ITGA1: variants seen among roughly 807,000 people sequenced by gnomAD.
ITGA1 encodes integrin alpha-1.
ITGA1 carries 85 observed loss-of-function variants against 145.9 expected under a neutral mutation model. The observed-to-expected ratio is 0.58, with a 90% CI of 0.49 to 0.70. The LOEUF (loss-of-function observed/expected upper bound fraction) is 0.70, where lower values mean the gene tolerates loss of function less well. Among genes scored for constraint, ITGA1 ranks in the 30% least tolerant of loss-of-function variants. The pLI is 0.00. For missense variants in ITGA1, 1,351 were observed against 1,418.7 expected (o/e 0.95, Z 0.77); for synonymous variants, 520 against 495.3 (o/e 1.05, Z -0.66).
intron 26 of ITGA1, among the ~76,000 whole-genome samples, chr5:52,940,155 CT>C (rs1428578864): frequency 6.6e-6 from 1 of 152,184 alleles, no homozygotes; most frequent in Non-Finnish European, 1.5e-5. Flanking sequence ...AAGGTCCCCT[CT>C]GGAGAGATAT....
intron 1 of ITGA1, among the ~76,000 whole-genome samples, chr5:52,799,058 A>G (rs556750683): frequency 1.3e-5 from 2 of 152,194 alleles, no homozygotes; most frequent in Admixed American, 6.5e-5. Context: ...TCATCTGTTC[A>G]GGCTGGTTAG....
chr5:52,846,993 T>C (rs2111747078), intron 1 of ITGA1, among the ~76,000 whole-genome samples: 1 of 152,298 alleles, frequency 6.6e-6, no homozygotes, highest in South Asian at 2.1e-4. Context: ...TTACTGCCCA[T>C]CTGTGTACAA....
At chr5:52,925,514 G>A (rs756391346) in intron 19 of ITGA1, 27 bp downstream of exon 19, 3 of 1,527,106 alleles carry the variant, frequency 2.0e-6, no homozygotes, top group Admixed American at 1.7e-5. Context: ...TCATTTATTT[G>A]TTCTCTTAAC....
Position 52,922,858 on chromosome 5 carries a change from G to A in ITGA1, c.2374G>A (p.Asp792Asn), listed in dbSNP as rs1401541889. 1.2e-6 allele frequency: 2 copies of A among 1,608,886 alleles called. No individual in the cohort carries two copies. Among genetic ancestry groups the A allele is most frequent in the African/African-American group, 2.7e-5 (2 of 74,934 alleles). Residue 792 changes from aspartate (D) to asparagine (N), a missense_variant, in exon 18 of 29, where the codon GAT becomes AAT. Coordinates refer to ENST00000282588, the MANE Select transcript of ITGA1 (RefSeq NM_181501.2). ...TCCAGAAAATGGGCCTGTTCTTGATGATTCTCTACCAAACTCAGTACATGA... is the reference window on the plus strand; with the variant it reads ...TCCAGAAAATGGGCCTGTTCTTGATAATTCTCTACCAAACTCAGTACATGA... ...TDPENGPVLDDSLPNSVHEYI... is the reference protein window; with the variant it reads ...TDPENGPVLDNSLPNSVHEYI...
intron 6 of ITGA1, among the ~76,000 whole-genome samples, chr5:52,881,514 A>T (rs2456223): frequency 0.17 from 26,033 of 152,146 alleles, 2,437 homozygotes; most frequent in East Asian, 0.28. Context: ...TATTTGAATG[A>T]TCACGTGTTT....
intron 1 of ITGA1, among the ~76,000 whole-genome samples, chr5:52,790,505 A>G (rs1748217554): frequency 6.6e-6 from 1 of 152,196 alleles, no homozygotes; most frequent in Admixed American, 6.5e-5. Context: ...GTTCTAGGGG[A>G]AAATCAGTTT....
At chr5:52,862,123 CAGG>C (rs778813250) in intron 3 of ITGA1, among the ~76,000 whole-genome samples, 146 of 148,868 alleles carry the variant, frequency 9.8e-4, no homozygotes, top group Non-Finnish European at 1.6e-3. Flanking sequence ...GAGGCTGAGG[CAGG>C]AGACCTGCTT....
chr5:52,932,179 C>T, intron 22 of ITGA1, 43 bp downstream of exon 22: 1 of 1,222,562 alleles, frequency 8.2e-7, no homozygotes, highest in South Asian at 1.3e-5. Context: ...TTTCTATTAA[C>T]CCAGTGGTTC....
At chr5:52,794,066 C>G (rs1748292574) in intron 1 of ITGA1, among the ~76,000 whole-genome samples, 1 of 151,854 alleles carries the variant, frequency 6.6e-6, no homozygotes, top group Non-Finnish European at 1.5e-5. Flanking sequence ...TAGGAATTCA[C>G]TTTATGTGTT....
chr5:52,918,489 G>T (rs1190834212), intron 15 of ITGA1, among the ~76,000 whole-genome samples: 3 of 152,090 alleles, frequency 2.0e-5, no homozygotes, highest in Admixed American at 2.0e-4. Context: ...TTCCATCACA[G>T]GAAAAACTAG....
chr5:52,907,534 G>C (rs929995009), intron 12 of ITGA1, among the ~76,000 whole-genome samples: 2 of 152,168 alleles, frequency 1.3e-5, no homozygotes, highest in African/African-American at 4.8e-5. Flanking sequence ...TCAGTTTCAA[G>C]CCTGGGAATC....
intron 27 of ITGA1, among the ~76,000 whole-genome samples, chr5:52,946,635 C>T (rs1220049553): frequency 6.6e-6 from 1 of 151,990 alleles, no homozygotes; most frequent in Non-Finnish European, 1.5e-5. Context: ...TTTTTCAAAT[C>T]CCCCAGGGAT....
chr5:52,875,005 AT>A (rs748536668), intron 6 of ITGA1, among the ~76,000 whole-genome samples: 2 of 152,286 alleles, frequency 1.3e-5, no homozygotes, highest in East Asian at 3.9e-4. Context: ...GTAATCCACA[AT>A]GCATGTTTTT....
intron 2 of ITGA1, among the ~76,000 whole-genome samples, chr5:52,852,670 A>G (rs879734015): frequency 6.6e-6 from 1 of 152,176 alleles, no homozygotes; most frequent in African/African-American, 2.4e-5. Context: ...GAAACCTCAG[A>G]CTGGAATGCA....
chr5:52,922,296 GTCTCAAACAAACAA>G (rs1750742676), intron 17 of ITGA1, among the ~76,000 whole-genome samples: 1 of 100,974 alleles, frequency 9.9e-6, no homozygotes, highest in African/African-American at 4.7e-5. Context: ...GAGAGACTCT[GTCTCAAACAAACAA>G]ACAAACAAAC....
chr5:52,892,594 C>T (rs929158082), intron 8 of ITGA1, among the ~76,000 whole-genome samples: 11 of 152,146 alleles, frequency 7.2e-5, no homozygotes, highest in African/African-American at 2.7e-4. Context: ...AAGCTGCAAA[C>T]AACTCAAATG....
chr5:52,911,582 ATAGTGTATCTAC>A, intron 14 of ITGA1, among the ~76,000 whole-genome samples: 1 of 70,054 alleles, frequency 1.4e-5, no homozygotes, highest in African/African-American at 5.0e-5. Flanking sequence ...TACTATATAT[ATAGTGTATCTAC>A]TATATATACT....
intron 21 of ITGA1, 81 bp from the exon 22 acceptor site, chr5:52,931,966 G>T: frequency 1.2e-6 from 1 of 810,410 alleles, no homozygotes; most frequent in Non-Finnish European, 2.1e-6. Flanking sequence ...GCCAGGATAA[G>T]CTTCTCTTTC....
intron 1 of ITGA1, chr5:52,801,932 G>A (rs1580030413): frequency 1.1e-6 from 1 of 915,978 alleles, no homozygotes; most frequent in East Asian, 2.6e-5. Flanking sequence ...TGCAAGAATG[G>A]CACTTTTTGA....
Sources: allele counts gnomAD v4.1 joint callset (sites outside exome capture counted in the v4.1 genomes callset), GRCh38; gene constraint gnomAD v4.1.1; transcripts MANE v1.5; gene names NCBI Gene and HGNC (gene_info 2026-07-23, HGNC 2026-07-21).